ALMS1: variants seen among roughly 807,000 people sequenced by gnomAD.
The protein encoded by ALMS1 is ALMS1 centrosome and basal body associated protein.
A neutral mutation model predicts 352.2 loss-of-function variants in ALMS1; 271 were observed. The observed-to-expected ratio is 0.77, with a 90% CI of 0.70 to 0.85. ALMS1 has a LOEUF of 0.85. ALMS1 is among the 40% of genes least tolerant of loss of function. The pLI is 0.00. For synonymous variants in ALMS1, 1,865 were observed against 1,761.2 expected, an observed-to-expected ratio of 1.06 and a Z score of -1.48; for missense variants, 5,445 against 4,870.7, an observed-to-expected ratio of 1.12 and a Z score of -3.51.
At chr2:73,434,308 T>A (rs748838184) in intron 7 of ALMS1, among the ~76,000 whole-genome samples, 4 of 152,194 alleles carry the variant, frequency 2.6e-5, no homozygotes, top group Non-Finnish European at 4.4e-5. Flanking sequence ...GTTTATTATA[T>A]TTTTGTTTTA....
At chr2:73,436,398 C>G (rs1238111056) in intron 7 of ALMS1, among the ~76,000 whole-genome samples, 1 of 152,160 alleles carries the variant, frequency 6.6e-6, no homozygotes, top group African/African-American at 2.4e-5. Flanking sequence ...CTGAACTTGT[C>G]AGATGTATAG....
chr2:73,569,969 A>G (rs1674884529), intron 15 of ALMS1, among the ~76,000 whole-genome samples: 1 of 152,218 alleles, frequency 6.6e-6, no homozygotes, highest in Non-Finnish European at 1.5e-5. Context: ...TTTGACCACT[A>G]TTTGACAAAT....
intron 4 of ALMS1, among the ~76,000 whole-genome samples, chr2:73,423,602 A>G (rs528385011): frequency 1.4e-5 from 2 of 140,712 alleles, no homozygotes; most frequent in South Asian, 4.2e-4. Flanking sequence ...ATTAAAAACT[A>G]TAGATGTTTA....
In ALMS1 at chr2:73,453,748, G is replaced by A. The variant is rs1242280918; in HGVS notation, c.7221G>A (p.Met2407Ile). 1 of 1,614,158 alleles carries A rather than the reference G, an allele frequency of 6.2e-7. No homozygotes were observed. The highest frequency in any genetic ancestry group is 1.1e-5 in the South Asian group (1 of 91,078). ...GTIGNKIIIP[M>I]MTVIKSDSSS... is the part of the protein sequence containing the mutation. ...TTGGGAATAAAATTATTATCCCTAT[G>A]ATGACTGTCATAAAAAGTGATTCAA... is the stretch of plus-strand genomic sequence containing the variant. The change falls in exon 8 of 23, where the codon ATG becomes ATA. Residue 2407 changes from methionine (M) to isoleucine (I), a missense_variant. Transcript: ENST00000613296.
rs1330893225 is a variant in ALMS1 at position 73,490,415 on chromosome 2, GCAGT to G, written c.8459_8462del (p.Ser2820IlefsTer34). 1.2e-6 allele frequency: 2 copies of G among 1,614,014 alleles called. No homozygotes were observed. Among genetic ancestry groups the G allele is most frequent in the Non-Finnish European group, 1.7e-6 (2 of 1,180,022 alleles). On this transcript the variant is annotated frameshift_variant, in exon 10 of 23. Transcript: ENST00000613296. LOFTEE classifies it high-confidence loss of function. ...CCCTTAGAAAGATCAGATTTTACAG[GCAGT>G]CATTCTGAGCCCAGTACCAGGGCAA... is the stretch of plus-strand genomic sequence containing the variant.
chr2:73,475,927 A>G (rs528023648), intron 9 of ALMS1, among the ~76,000 whole-genome samples: 1 of 150,744 alleles, frequency 6.6e-6, no homozygotes, highest in African/African-American at 2.5e-5. Flanking sequence ...TATCATCTTA[A>G]CCATTGTTAA....
chr2:73,394,439 C>A (rs900673693), intron 1 of ALMS1, among the ~76,000 whole-genome samples: 2 of 152,090 alleles, frequency 1.3e-5, no homozygotes, highest in African/African-American at 4.8e-5. Flanking sequence ...GAAACCTCTG[C>A]CTCCTGGGTT....
At position 73,385,949 on chromosome 2, in the gene ALMS1, G is replaced by GGAC; in HGVS notation, c.83_84insCGA (p.Glu27_Glu28insAsp). 7.7e-7 allele frequency: 1 copy of GGAC among 1,304,802 alleles called. No individual in the cohort carries two copies. The highest frequency in any genetic ancestry group is 1.1e-6 in the Non-Finnish European group (1 of 925,718). The allele number at this position is 1,304,802 out of a possible 1,614,324, so 80.8% of individuals were successfully genotyped here. On this transcript the variant is annotated inframe_insertion, in exon 1 of 23. Transcript: ENST00000613296. ...AGGAGGAGGAGGAGGAGGAAGAGGA[G>GGAC]GAGGCTGCAGCGGCGGCGGCGGCGA...
chr2:73,591,729 A>G (rs1675436900), intron 16 of ALMS1, among the ~76,000 whole-genome samples: 1 of 152,198 alleles, frequency 6.6e-6, no homozygotes, highest in Non-Finnish European at 1.5e-5. Context: ...GGTAATTCTT[A>G]TAGTTATTAA....
rs1675672019 is a variant in ALMS1, at chr2:73,600,987, C to T, written c.11872+106C>T. The T allele has an allele frequency of 7.1e-6, 10 of 1,417,094 alleles. No homozygotes were observed. The South Asian group carries it at 1.2e-4, about 17-fold the overall frequency. The allele number at this position is 1,417,094 out of a possible 1,614,324, so 87.8% of individuals were successfully genotyped here. A position where few individuals can be genotyped will look rare whatever the true frequency, so the allele number is the denominator to read the frequency against. Reference sequence around the variant, plus strand: ...GTGACTCTATGTGGTCCCCACCTACCCCCAGCCACAACCTTGTCAGGTTTT... The same window carrying T: ...GTGACTCTATGTGGTCCCCACCTACTCCCAGCCACAACCTTGTCAGGTTTT... On this transcript the variant is annotated intron_variant, in intron 18 of 22. Coordinates refer to ENST00000613296, the MANE Select transcript of ALMS1 (RefSeq NM_001378454.1).
intron 16 of ALMS1, among the ~76,000 whole-genome samples, chr2:73,573,945 A>C (rs1674999752): frequency 6.6e-6 from 1 of 152,112 alleles, no homozygotes; most frequent in Non-Finnish European, 1.5e-5. Context: ...TAAATAAGGA[A>C]TTGTGAATAA....
intron 2 of ALMS1, among the ~76,000 whole-genome samples, 158 bp downstream of exon 2, chr2:73,408,905 C>T (rs980079900): frequency 8.3e-6 from 1 of 120,014 alleles, no homozygotes; most frequent in African/African-American, 3.1e-5. Flanking sequence ...CAGGGTCTCA[C>T]TCTGTCACCC....
At chr2:73,460,141 A>G (rs114415559) in intron 9 of ALMS1, among the ~76,000 whole-genome samples, 2,968 of 152,076 alleles carry the variant, frequency 0.02, 111 homozygotes, top group African/African-American at 0.066. Flanking sequence ...ACTCCCTTGT[A>G]TGTTTCTCCC....
upstream of ALMS1, chr2:73,385,818 CTCCCT>C: frequency 1.5e-6 from 1 of 684,020 alleles, no homozygotes; most frequent in African/African-American, 1.8e-5. Flanking sequence ...TCCCCTTCCC[CTCCCT>C]CCCCCCCTCC....
Position 73,452,093 on chromosome 2 carries a change from C to A in ALMS1, c.5566C>A (p.His1856Asn). 1.2e-6 allele frequency: 2 copies of A among 1,613,902 alleles called. No homozygotes were observed. Among genetic ancestry groups the A allele is most frequent in the Non-Finnish European group, 1.7e-6 (2 of 1,179,944 alleles). ...CTCTAATTCCTACCCACAGAGAGAG[C>A]ACTCTGTCATTTCTTATGAGCAGGA... ...LPSNSYPQRE[H>N]SVISYEQELP... Residue 1856 changes from histidine to asparagine, a missense_variant, in exon 8 of 23, where the codon CAC becomes AAC. Coordinates refer to ENST00000613296, the MANE Select transcript of ALMS1 (RefSeq NM_001378454.1).
chr2:73,574,507 A>AT (rs2104111607), intron 16 of ALMS1, among the ~76,000 whole-genome samples: 1 of 152,284 alleles, frequency 6.6e-6, no homozygotes, highest in South Asian at 2.1e-4. Flanking sequence ...TGCTAAAAAA[A>AT]TTTTTGTCAG....
chr2:73,554,418 A>C (rs1171896450), intron 13 of ALMS1, among the ~76,000 whole-genome samples: 1 of 151,976 alleles, frequency 6.6e-6, no homozygotes, highest in African/African-American at 2.4e-5. Context: ...GAAATAGAGA[A>C]AGTAGGGCTG....
intron 13 of ALMS1, among the ~76,000 whole-genome samples, chr2:73,553,089 G>C (rs994869200): frequency 6.6e-6 from 1 of 151,968 alleles, no homozygotes; most frequent in Non-Finnish European, 1.5e-5. Flanking sequence ...TACACACCGA[G>C]GCACATGACC....
At chr2:73,485,243 A>G (rs980183424) in intron 9 of ALMS1, among the ~76,000 whole-genome samples, 1 of 152,050 alleles carries the variant, frequency 6.6e-6, no homozygotes, top group Admixed American at 6.6e-5. Context: ...TGATGTACAG[A>G]TGGGTTTTTG....
Sources: gnomAD v4.1 joint callset for allele counts (sites outside exome capture counted in the v4.1 genomes callset) on GRCh38, gnomAD v4.1.1 for gene constraint, MANE v1.5 for transcripts, NCBI Gene and HGNC (gene_info 2026-07-23, HGNC 2026-07-21) for gene names.